Variants in CDC5L observed in about 807,000 individuals in gnomAD.
The protein encoded by CDC5L is cell division cycle 5-like protein.
A neutral mutation model predicts 104.1 loss-of-function variants in CDC5L; 18 were observed. The observed-to-expected ratio is 0.17, with a 90% confidence interval of 0.12 to 0.26. The LOEUF is 0.26. Ranked by LOEUF, CDC5L falls within the 10% of genes least tolerant of loss-of-function variation. CDC5L has a pLI of 1.00. For synonymous variants in CDC5L, 331 were observed against 322.7 expected (o/e 1.03, Z -0.28); for missense variants, 673 against 956.9 (o/e 0.70, Z 3.91).
At chr6:44,426,028 A>G (rs1792401130) in intron 11 of CDC5L, 75 bp from the exon 12 acceptor site, 1 of 986,514 alleles carries the variant, frequency 1.0e-6, no homozygotes, top group African/African-American at 1.7e-5. Flanking sequence ...CTTACATACC[A>G]AAGTGTTTTT....
intron 4 of CDC5L, among the ~76,000 whole-genome samples, chr6:44,394,919 C>T (rs1790799245): frequency 8.0e-6 from 1 of 124,604 alleles, no homozygotes; most frequent in Admixed American, 8.3e-5. Flanking sequence ...CACACACACA[C>T]GAATACTATT....
At chr6:44,397,512 T>C (rs1255282340) in intron 5 of CDC5L, among the ~76,000 whole-genome samples, 1 of 152,260 alleles carries the variant, frequency 6.6e-6, no homozygotes, top group Non-Finnish European at 1.5e-5. Context: ...TTAAAAAAAA[T>C]TGAAGCTATG....
chr6:44,433,247 C>T (rs1398241158), intron 14 of CDC5L, among the ~76,000 whole-genome samples: 1 of 152,186 alleles, frequency 6.6e-6, no homozygotes, highest in African/African-American at 2.4e-5. Context: ...CAGACAAGTT[C>T]TCTGTGTTTG....
chr6:44,426,274 A>G, intron 12 of CDC5L, 91 bp downstream of exon 12: 1 of 930,112 alleles, frequency 1.1e-6, no homozygotes, highest in Admixed American at 2.5e-5. Flanking sequence ...TATAAAACAA[A>G]ATTTCATCTA....
At chr6:44,426,787 G>A (rs1581656771) in intron 13 of CDC5L, 63 bp downstream of exon 13, 1 of 1,500,482 alleles carries the variant, frequency 6.7e-7, no homozygotes, top group Non-Finnish European at 9.1e-7. Context: ...TGTGTATCAT[G>A]GACAAATAAT....
intron 8 of CDC5L, 144 bp from the exon 9 acceptor site, chr6:44,419,305 C>A: frequency 1.5e-6 from 1 of 671,824 alleles, no homozygotes; most frequent in South Asian, 2.0e-5. Flanking sequence ...TCTGCCATGA[C>A]TGGTATTCAT....
At chr6:44,419,111 C>T (rs1269278282) in intron 8 of CDC5L, among the ~76,000 whole-genome samples, 1 of 151,998 alleles carries the variant, frequency 6.6e-6, no homozygotes, top group Non-Finnish European at 1.5e-5. Flanking sequence ...AGGTTTTCTT[C>T]TAGGGTTTTT....
At chr6:44,446,505 G>A (rs1793459297) in intron 15 of CDC5L, 102 bp from the exon 16 acceptor site, 2 of 527,330 alleles carry the variant, frequency 3.8e-6, no homozygotes, top group Non-Finnish European at 6.6e-6. Context: ...TAACTCTTAA[G>A]AATCATGATT....
chr6:44,441,417 G>A (rs746420598), intron 14 of CDC5L, among the ~76,000 whole-genome samples: 9 of 152,196 alleles, frequency 5.9e-5, no homozygotes, highest in African/African-American at 9.6e-5. Flanking sequence ...TGTAAAGAAC[G>A]TGGAAGTGCA....
intron 14 of CDC5L, among the ~76,000 whole-genome samples, chr6:44,441,882 C>T (rs908941477): frequency 8.0e-5 from 12 of 149,490 alleles, no homozygotes; most frequent in East Asian, 7.9e-4. Context: ...TTATCCAGGC[C>T]GGGAGTGGTG....
At chr6:44,442,526 C>T (rs534011650) in intron 14 of CDC5L, among the ~76,000 whole-genome samples, 126 of 152,028 alleles carry the variant, frequency 8.3e-4, no homozygotes, top group Non-Finnish European at 1.4e-3. Flanking sequence ...GCTTATATAA[C>T]GGTATTTTAA....
intron 13 of CDC5L, among the ~76,000 whole-genome samples, chr6:44,428,959 A>G (rs1178930185): frequency 2.0e-5 from 3 of 150,444 alleles, no homozygotes; most frequent in Non-Finnish European, 4.4e-5. Context: ...TCATCTGCCT[A>G]CTAACGATGT....
At chr6:44,401,457 A>G (rs1229087563) in intron 5 of CDC5L, among the ~76,000 whole-genome samples, 1 of 151,986 alleles carries the variant, frequency 6.6e-6, no homozygotes, top group Admixed American at 6.6e-5. Flanking sequence ...CTCTTGATGG[A>G]ACTTTGCCAC....
intron 5 of CDC5L, among the ~76,000 whole-genome samples, chr6:44,397,712 T>C (rs1218742239): frequency 6.6e-6 from 1 of 152,232 alleles, no homozygotes; most frequent in Non-Finnish European, 1.5e-5. Flanking sequence ...AACAGGAAAC[T>C]TGGCTGAACA....
chr6:44,437,028 G>T (rs1792970820), intron 14 of CDC5L, among the ~76,000 whole-genome samples: 1 of 152,188 alleles, frequency 6.6e-6, no homozygotes, highest in South Asian at 2.1e-4. Flanking sequence ...CATCAGGGCA[G>T]TTGCTAGTGC....
At chr6:44,392,201 A>T (rs1015651291) in intron 2 of CDC5L, among the ~76,000 whole-genome samples, 2 of 152,218 alleles carry the variant, frequency 1.3e-5, no homozygotes, top group Admixed American at 1.3e-4. Context: ...AGTTTTACTT[A>T]AATTTTAAAA....
In CDC5L at chr6:44,406,341, T is replaced by C. The variant is rs1184033771; in HGVS notation, c.777T>C (p.Asp259=). ...GELRSEKEGR[D]RKKDKQHLKR... ...ATGACAGTGAAAAAGAAGGAAGAGA[T>C]AGAAAAAAAGACAAACAGCATTTGA... Residue 259 remains aspartate, a synonymous_variant, in exon 7 of 16, where the codon GAT becomes GAC. Transcript: ENST00000371477. The C allele has an allele frequency of 3.7e-6, 6 of 1,606,194 alleles. No individual in the cohort carries two copies. The African/African-American group carries it at 4.0e-5, about 11-fold the overall frequency.
At chr6:44,445,114 G>C (rs754150097) in intron 14 of CDC5L, among the ~76,000 whole-genome samples, 2 of 152,154 alleles carry the variant, frequency 1.3e-5, no homozygotes, top group African/African-American at 2.4e-5. Context: ...GAAAGTACTT[G>C]CATGCTTGAT....
intron 1 of CDC5L, 116 bp downstream of exon 1, chr6:44,387,984 G>GC: frequency 1.1e-6 from 1 of 924,988 alleles, no homozygotes; most frequent in Non-Finnish European, 1.6e-6. Flanking sequence ...GTGGAGGGCA[G>GC]CCCGGGGGCT....
Sources: allele counts gnomAD v4.1 joint callset (sites outside exome capture counted in the v4.1 genomes callset), GRCh38; gene constraint gnomAD v4.1.1; transcripts MANE v1.5; gene names NCBI Gene and HGNC (gene_info 2026-07-23, HGNC 2026-07-21).